Variants in ST6GAL2 observed in about 807,000 individuals in gnomAD.
ST6GAL2 encodes the protein beta-galactoside alpha-2,6-sialyltransferase 2.
Under a neutral mutation model 37.5 loss-of-function variants are expected in ST6GAL2, and 24 were observed. The observed-to-expected ratio is 0.64, with a 90% confidence interval of 0.46 to 0.90. ST6GAL2 has a LOEUF of 0.90. Ranked by LOEUF, ST6GAL2 falls within the 40% of genes least tolerant of loss-of-function variation. The pLI is 0.00. For synonymous variants in ST6GAL2, 306 were observed against 295.1 expected, an observed-to-expected ratio of 1.04 and a Z score of -0.38; for missense variants, 715 against 712.7, an observed-to-expected ratio of 1.00 and a Z score of -0.04.
At chr2:106,877,857 G>T (rs986449489) in intron 1 of ST6GAL2, among the ~76,000 whole-genome samples, 5 of 152,178 alleles carry the variant, frequency 3.3e-5, no homozygotes, top group Non-Finnish European at 7.3e-5. Flanking sequence ...CAATCAATAT[G>T]GGTATGCCTT....
intron 1 of ST6GAL2, among the ~76,000 whole-genome samples, chr2:106,865,484 GAGAA>G (rs1223269346): frequency 1.3e-5 from 2 of 152,212 alleles, no homozygotes; most frequent in Non-Finnish European, 2.9e-5. Context: ...CTTGTCTGGG[GAGAA>G]AGAAAGCTGT....
At chr2:106,844,639 C>T (rs1452327567) in intron 1 of ST6GAL2, among the ~76,000 whole-genome samples, 1 of 152,180 alleles carries the variant, frequency 6.6e-6, no homozygotes, top group East Asian at 1.9e-4. Context: ...GTGACTGTGT[C>T]TGTGGGTGAA....
At chr2:106,821,452 T>TCTTA (rs1037237837) in intron 5 of ST6GAL2, among the ~76,000 whole-genome samples, 8 of 151,598 alleles carry the variant, frequency 5.3e-5, no homozygotes, top group African/African-American at 1.9e-4. Context: ...ACACATACAA[T>TCTTA]CTAGTAAGAT....
chr2:106,863,394 G>C (rs1227111678), intron 1 of ST6GAL2, among the ~76,000 whole-genome samples: 7 of 152,172 alleles, frequency 4.6e-5, no homozygotes. Context: ...ACAGGATGCT[G>C]CAGAAACTGG....
At chr2:106,836,702 C>A (rs1352519943) in intron 2 of ST6GAL2, among the ~76,000 whole-genome samples, 1 of 139,044 alleles carries the variant, frequency 7.2e-6, no homozygotes, top group Non-Finnish European at 1.5e-5. Context: ...AACAGGTGGG[C>A]GGATCATCTG....
chr2:106,808,877 T>C (rs1675513655), intron 5 of ST6GAL2, among the ~76,000 whole-genome samples: 1 of 152,158 alleles, frequency 6.6e-6, no homozygotes, highest in South Asian at 2.1e-4. Flanking sequence ...CATGGTGGCA[T>C]GTGCCTGTAA....
intron 5 of ST6GAL2, among the ~76,000 whole-genome samples, chr2:106,824,406 G>T (rs1382864786): frequency 3.9e-5 from 6 of 152,184 alleles, no homozygotes; most frequent in African/African-American, 7.2e-5. Context: ...GCCAAGGTAG[G>T]CTGTTCAGGA....
chr2:106,853,991 T>A (rs182702311), intron 1 of ST6GAL2, among the ~76,000 whole-genome samples: 1 of 152,352 alleles, frequency 6.6e-6, no homozygotes, highest in African/African-American at 2.4e-5. Flanking sequence ...CCAAGGCTCA[T>A]GACTGGAGCT....
At chr2:106,813,112 CA>C (rs1675670313) in intron 5 of ST6GAL2, 1 of 1,139,402 alleles carries the variant, frequency 8.8e-7, no homozygotes, top group Non-Finnish European at 1.1e-6. Context: ...CTTATATGGC[CA>C]GTTTTTTTTT....
intron 5 of ST6GAL2, among the ~76,000 whole-genome samples, chr2:106,825,401 T>C (rs1676164808): frequency 6.6e-6 from 1 of 152,196 alleles, no homozygotes; most frequent in Admixed American, 6.5e-5. Flanking sequence ...ACAGTTTCAT[T>C]GTAACCTTAT....
intron 3 of ST6GAL2, 21 bp downstream of exon 3, chr2:106,834,003 TAAACCTAAGAAACATACATCCATGA>T: frequency 7.0e-7 from 1 of 1,437,394 alleles, no homozygotes; most frequent in Non-Finnish European, 9.8e-7. Flanking sequence ...CTCATCCAGT[TAAACCTAAGAAACATACATCCATGA>T]AAACACTCCA....
At chr2:106,851,713 T>C (rs1270384534) in intron 1 of ST6GAL2, among the ~76,000 whole-genome samples, 2 of 151,214 alleles carry the variant, frequency 1.3e-5, no homozygotes, top group Non-Finnish European at 2.9e-5. Flanking sequence ...TGTCTGCTAT[T>C]AATTGCCAGC....
chr2:106,823,407 C>G (rs2104446026), intron 5 of ST6GAL2, among the ~76,000 whole-genome samples: 1 of 147,360 alleles, frequency 6.8e-6, no homozygotes, highest in South Asian at 2.2e-4. Flanking sequence ...CTCCTTTTCC[C>G]TTTAACATTT....
intron 5 of ST6GAL2, among the ~76,000 whole-genome samples, chr2:106,820,620 A>G (rs1379496467): frequency 1.3e-5 from 2 of 152,138 alleles, no homozygotes; most frequent in Non-Finnish European, 1.5e-5. Flanking sequence ...TCTGTATCAC[A>G]GACCAAATGG....
At chr2:106,884,093 G>T (rs1004394213) in intron 1 of ST6GAL2, among the ~76,000 whole-genome samples, 1 of 149,620 alleles carries the variant, frequency 6.7e-6, no homozygotes, top group African/African-American at 2.4e-5. Context: ...CTCACACACT[G>T]AAATCATCTC....
At chr2:106,852,191 C>T (rs914083480) in intron 1 of ST6GAL2, among the ~76,000 whole-genome samples, 8 of 152,190 alleles carry the variant, frequency 5.3e-5, no homozygotes, top group Non-Finnish European at 1.2e-4. Flanking sequence ...AAAGGTCGGC[C>T]AGGTCAGCGG....
At chr2:106,814,885 T>C (rs1201132796) in intron 5 of ST6GAL2, among the ~76,000 whole-genome samples, 1 of 152,198 alleles carries the variant, frequency 6.6e-6, no homozygotes, top group Non-Finnish European at 1.5e-5. Flanking sequence ...AGTATCTGAC[T>C]AGGGATGAAA....
chr2:106,873,246 C>G (rs1414403939), intron 1 of ST6GAL2, among the ~76,000 whole-genome samples: 1 of 152,178 alleles, frequency 6.6e-6, no homozygotes, highest in Non-Finnish European at 1.5e-5. Context: ...AGCACAGCAG[C>G]TTCCTGGGCT....
At chr2:106,826,464 T>C (rs768396165) in intron 5 of ST6GAL2, among the ~76,000 whole-genome samples, 23 of 148,756 alleles carry the variant, frequency 1.5e-4, no homozygotes, top group Non-Finnish European at 3.0e-4. Flanking sequence ...TGCTTGAACC[T>C]GGGAGGCAGA....
Sources: allele counts gnomAD v4.1 joint callset (sites outside exome capture counted in the v4.1 genomes callset), GRCh38; gene constraint gnomAD v4.1.1; transcripts MANE v1.5; gene names NCBI Gene and HGNC (gene_info 2026-07-23, HGNC 2026-07-21).